Variants in SV2C observed in about 807,000 individuals in gnomAD.
The protein encoded by SV2C is solute carrier family 22 member B3.
Under a neutral mutation model 79.7 loss-of-function variants are expected in SV2C, and 49 were observed. The ratio of observed to expected loss-of-function variants is 0.61; its 90% CI spans 0.49 to 0.78. SV2C has a LOEUF of 0.78. Among genes scored for constraint, SV2C ranks in the 30% least tolerant of loss-of-function variants. The pLI, the probability that SV2C is intolerant of heterozygous loss-of-function variation, is 0.00. For synonymous variants in SV2C, 334 were observed against 333.2 expected (o/e 1.00, Z -0.03); for missense variants, 833 against 912.9 (o/e 0.91, Z 1.13).
At chr5:75,905,036 G>A in the SV2C span, among the ~76,000 whole-genome samples, 612 of 152,274 alleles carry the variant, frequency 4.0e-3, no homozygotes, top group African/African-American at 0.014. Context: ...AAAAATGACC[G>A]TGCTTCAAAA....
intron 2 of SV2C, among the ~76,000 whole-genome samples, chr5:76,163,196 A>T (rs1402759699): frequency 2.0e-5 from 3 of 151,660 alleles, no homozygotes; most frequent in Non-Finnish European, 4.4e-5. Context: ...TCTTTTTCTC[A>T]CACAGATTGA....
At chr5:76,223,953 T>C (rs1276431923) in intron 4 of SV2C, among the ~76,000 whole-genome samples, 2 of 152,132 alleles carry the variant, frequency 1.3e-5, no homozygotes, top group Admixed American at 6.5e-5. Context: ...CTCTCTCTTC[T>C]GTTTTTATAA....
intron 4 of SV2C, among the ~76,000 whole-genome samples, chr5:76,275,223 C>A (rs2972836): frequency 0.14 from 21,913 of 152,150 alleles, 2,121 homozygotes; most frequent in African/African-American, 0.27. Context: ...TGCAGTGGCT[C>A]ACGCCTGTAA....
the SV2C span, among the ~76,000 whole-genome samples, chr5:75,954,667 C>A: frequency 2.7e-3 from 398 of 150,156 alleles, 1 homozygote; most frequent in African/African-American, 9.5e-3. Flanking sequence ...CCCAAAATCT[C>A]CTTAAGCTGA....
chr5:76,351,939 G>A lies in SV2C; in HGVS notation c.2001-1191G>A, dbSNP rs188963752. Among the ~76,000 whole-genome samples, 482 of 152,282 alleles carry A rather than the reference G, an allele frequency of 3.2e-3. 2 individuals carry two copies. Among genetic ancestry groups the A allele is most frequent in the African/African-American group, 0.011 (458 of 41,546 alleles). On this transcript the variant is annotated intron_variant, in intron 12 of 12. Transcript: ENST00000322285. ...TTTAAAAAAAAATCGGCTGCTGGAC[G>A]CGGTGGCTCACGCCTGTAATCTCAA...
the SV2C span, among the ~76,000 whole-genome samples, chr5:75,918,422 A>C: frequency 6.6e-6 from 1 of 152,244 alleles, no homozygotes; most frequent in Non-Finnish European, 1.5e-5. Flanking sequence ...TTTCAATGAC[A>C]ATTTGGTGTG....
intron 12 of SV2C, among the ~76,000 whole-genome samples, chr5:76,303,594 A>G (rs577392437): frequency 1.3e-5 from 2 of 152,284 alleles, no homozygotes; most frequent in East Asian, 3.9e-4. Context: ...TCCCTCTGCC[A>G]TAAGGAATAG....
chr5:76,287,978 G>A (rs775978573), intron 6 of SV2C, among the ~76,000 whole-genome samples: 3 of 151,956 alleles, frequency 2.0e-5, no homozygotes, highest in East Asian at 1.9e-4. Flanking sequence ...CCAGCTACTC[G>A]GGAAGCTGAG....
intron 4 of SV2C, among the ~76,000 whole-genome samples, chr5:76,234,354 G>T (rs1049452547): frequency 1.3e-5 from 2 of 152,156 alleles, no homozygotes; most frequent in Non-Finnish European, 2.9e-5. Flanking sequence ...AAATTCTAAA[G>T]CACGATTTAT....
At chr5:76,339,548 A>G (rs772620722) in intron 12 of SV2C, among the ~76,000 whole-genome samples, 3 of 152,072 alleles carry the variant, frequency 2.0e-5, no homozygotes, top group Non-Finnish European at 4.4e-5. Flanking sequence ...CTCTGTCTCT[A>G]CTAAAAATAC....
At chr5:76,314,064 T>G (rs1354381422) in intron 12 of SV2C, among the ~76,000 whole-genome samples, 4 of 152,190 alleles carry the variant, frequency 2.6e-5, no homozygotes, top group East Asian at 1.9e-4. Context: ...GATGAGAGGA[T>G]GTTAGGTTGC....
At chr5:76,054,057 A>G in the SV2C span, among the ~76,000 whole-genome samples, 1 of 152,026 alleles carries the variant, frequency 6.6e-6, no homozygotes, top group African/African-American at 2.4e-5. Flanking sequence ...TGCAAGTGCC[A>G]TGGTGGTTTG....
the SV2C span, among the ~76,000 whole-genome samples, chr5:75,867,436 C>T: frequency 6.6e-6 from 1 of 151,994 alleles, no homozygotes; most frequent in Admixed American, 6.6e-5. Flanking sequence ...AGAACTTAGA[C>T]CACCCTGAGA....
the SV2C span, among the ~76,000 whole-genome samples, chr5:75,880,248 C>G: frequency 6.6e-6 from 1 of 151,884 alleles, no homozygotes; most frequent in African/African-American, 2.4e-5. Flanking sequence ...ATGCAAATAA[C>G]TCTACCAAGA....
chr5:76,244,967 T>C (rs1745899934), intron 4 of SV2C, among the ~76,000 whole-genome samples: 1 of 152,238 alleles, frequency 6.6e-6, no homozygotes, highest in Non-Finnish European at 1.5e-5. Flanking sequence ...ATACTGCCTT[T>C]GTACACAACC....
At chr5:76,195,146 T>A (rs779620246) in intron 3 of SV2C, 47 bp downstream of exon 3, 7 of 1,583,254 alleles carry the variant, frequency 4.4e-6, no homozygotes, top group Non-Finnish European at 6.0e-6. Context: ...TTATTCTTCA[T>A]AATTCTCCAC....
intron 4 of SV2C, among the ~76,000 whole-genome samples, chr5:76,217,406 T>C (rs1275321282): frequency 6.6e-6 from 1 of 152,194 alleles, no homozygotes; most frequent in African/African-American, 2.4e-5. Flanking sequence ...GTCAGCTTCC[T>C]TGTTCACAAG....
chr5:75,877,277 G>A, the SV2C span, among the ~76,000 whole-genome samples: 1 of 151,942 alleles, frequency 6.6e-6, no homozygotes, highest in Non-Finnish European at 1.5e-5. Context: ...TAGAAATAGA[G>A]CACGAAAATA....
intron 12 of SV2C, among the ~76,000 whole-genome samples, chr5:76,318,095 C>G (rs1748697303): frequency 6.6e-6 from 1 of 152,078 alleles, no homozygotes; most frequent in South Asian, 2.1e-4. Context: ...CAGAATGGAG[C>G]CAGTAGTTTT....
Sources: gnomAD v4.1 joint callset for allele counts (sites outside exome capture counted in the v4.1 genomes callset) on GRCh38, gnomAD v4.1.1 for gene constraint, MANE v1.5 for transcripts, NCBI Gene and HGNC (gene_info 2026-07-23, HGNC 2026-07-21) for gene names.